ATG14: variants seen among roughly 807,000 people sequenced by gnomAD.
ATG14 encodes beclin 1-associated autophagy-related key regulator.
Under a neutral mutation model 60.4 loss-of-function variants are expected in ATG14, and 35 were observed. The observed-to-expected ratio is 0.58, with a 90% confidence interval of 0.44 to 0.77. The LOEUF (loss-of-function observed/expected upper bound fraction) is 0.77, where lower values mean the gene tolerates loss of function less well. ATG14 is among the 30% of genes least tolerant of loss of function. The pLI, the probability that ATG14 is intolerant of heterozygous loss-of-function variation, is 0.00. For synonymous variants in ATG14, 234 were observed against 228.8 expected, an observed-to-expected ratio of 1.02 and a Z score of -0.21; for missense variants, 647 against 626.3, an observed-to-expected ratio of 1.03 and a Z score of -0.35.
intron 3 of ATG14, among the ~76,000 whole-genome samples, chr14:55,393,741 T>C (rs920053721): frequency 7.9e-5 from 12 of 152,034 alleles, no homozygotes; most frequent in African/African-American, 2.4e-4. Context: ...TTTGTAGATA[T>C]GGGGTTTTGC....
At chr14:55,402,946 TATATATATATATATATATATATAA>T (rs1359595183) in intron 1 of ATG14, among the ~76,000 whole-genome samples, 13 of 56,672 alleles carry the variant, frequency 2.3e-4, no homozygotes, top group South Asian at 7.8e-4. Flanking sequence ...TATATATATA[TATATATATATATATATATATATAA>T]ATAGCTGGGC....
chr14:55,399,990 T>G (rs1885371968), intron 1 of ATG14, among the ~76,000 whole-genome samples: 1 of 152,182 alleles, frequency 6.6e-6, no homozygotes, highest in Non-Finnish European at 1.5e-5. Flanking sequence ...TCCTAGTGTA[T>G]CAAATATTGA....
At chr14:55,374,960 G>T (rs1235599866) in intron 9 of ATG14, among the ~76,000 whole-genome samples, 1 of 152,070 alleles carries the variant, frequency 6.6e-6, no homozygotes, top group Non-Finnish European at 1.5e-5. Context: ...AAACTTCCTT[G>T]CAGACTATAC....
chr14:55,369,703 G>A lies in ATG14; in HGVS notation c.1395C>T (p.Ile465=), dbSNP rs766410608. The change falls in exon 10 of 10, where the codon ATC becomes ATT. Residue 465 remains isoleucine, a synonymous_variant. Transcript: ENST00000247178. The part of the protein sequence containing the change: ...QSQSTQASPP[I]ASSSAGGMIS... ...TCATCCCACCTGCACTGCTGCTCGC[G>A]ATGGGTGGGGACGCCTGGGTGCTCT... 2.3e-5 allele frequency: 37 copies of A among 1,608,454 alleles called. No homozygotes were observed. In the South Asian group the frequency reaches 3.4e-4, roughly 15 times the overall value.
chr14:55,371,595 A>C (rs9323282), intron 9 of ATG14, among the ~76,000 whole-genome samples: 14,365 of 152,034 alleles, frequency 0.094, 1,833 homozygotes, highest in African/African-American at 0.29. Context: ...TCACGAGGTC[A>C]GGAGATCGAG....
intron 9 of ATG14, among the ~76,000 whole-genome samples, chr14:55,370,686 G>A (rs898654372): frequency 6.6e-6 from 1 of 151,752 alleles, no homozygotes; most frequent in Non-Finnish European, 1.5e-5. Context: ...CTGTTGCCCA[G>A]GCTGGAGTGC....
At chr14:55,380,779 A>T in intron 6 of ATG14, 89 bp from the exon 7 acceptor site, 1 of 818,902 alleles carries the variant, frequency 1.2e-6, no homozygotes, top group African/African-American at 1.7e-5. Context: ...TGATTTTATC[A>T]TGATAGCACT....
Position 55,386,091 on chromosome 14 carries a change from C to T in ATG14, c.415G>A (p.Glu139Lys), listed in dbSNP as rs988371583. 1 of 1,607,486 alleles carries T rather than the reference C, an allele frequency of 6.2e-7. No homozygotes were observed. The highest frequency in any genetic ancestry group is 8.5e-7 in the Non-Finnish European group (1 of 1,177,792). Residue 139 changes from glutamate (E) to lysine (K), a missense_variant, in exon 5 of 10, where the codon GAA becomes AAA. Coordinates refer to ENST00000247178, the MANE Select transcript of ATG14 (RefSeq NM_014924.5). ...TTTTCCTTGGTTTTGAGAAGGCCTT[C>T]AGAATCTAAAATAAATAAATCACAC... ...KGNEEMEKNS[E>K]GLLKTKEKNQ...
intron 1 of ATG14, among the ~76,000 whole-genome samples, chr14:55,399,623 TTC>T (rs1885366816): frequency 6.6e-6 from 1 of 152,240 alleles, no homozygotes; most frequent in Admixed American, 6.5e-5. Flanking sequence ...TGTTATATGC[TTC>T]TGTTTCCTTG....
intron 4 of ATG14, among the ~76,000 whole-genome samples, chr14:55,388,141 C>T (rs902196267): frequency 1.3e-5 from 2 of 152,068 alleles, no homozygotes; most frequent in Non-Finnish European, 2.9e-5. Flanking sequence ...CATCTCAAAA[C>T]CAACAACAAC....
chr14:55,396,030 C>G (rs777367124), intron 2 of ATG14, 48 bp from the exon 3 acceptor site: 1 of 1,430,552 alleles, frequency 7.0e-7, no homozygotes. Context: ...TAATAAAATT[C>G]TGTGAAGTTC....
At chr14:55,373,611 C>T (rs1240385466) in intron 9 of ATG14, among the ~76,000 whole-genome samples, 1 of 152,094 alleles carries the variant, frequency 6.6e-6, no homozygotes, top group Non-Finnish European at 1.5e-5. Context: ...AGGCACCCGC[C>T]ACCACGCCCA....
chr14:55,382,240 G>C (rs756375744), intron 5 of ATG14, 49 bp from the exon 6 acceptor site: 18 of 1,564,806 alleles, frequency 1.2e-5, no homozygotes, highest in Admixed American at 3.4e-5. Flanking sequence ...GGGTTTTTAA[G>C]GGCATGCAAT....
chr14:55,368,220 G>C lies in ATG14; in HGVS notation c.*1399C>G, dbSNP rs936162806. The C allele has an allele frequency of 6.6e-6, 1 of 152,432 alleles. No homozygotes were observed. Among genetic ancestry groups the C allele is most frequent in the African/African-American group, 2.4e-5 (1 of 41,294 alleles). The allele number at this position is 152,432 out of a possible 1,614,324, so 9.4% of individuals were successfully genotyped here. A position where few individuals can be genotyped will look rare whatever the true frequency, so the allele number is the denominator to read the frequency against. Reference sequence around the variant, plus strand: ...AGCTGAAAATGATCTCCTGCTGAGGGAAATTCTTTTTTTTTTTGAGACGGA... The same window carrying C: ...AGCTGAAAATGATCTCCTGCTGAGGCAAATTCTTTTTTTTTTTGAGACGGA... On this transcript the variant is annotated 3_prime_UTR_variant, in exon 10 of 10. Coordinates refer to ENST00000247178, the MANE Select transcript of ATG14 (RefSeq NM_014924.5).
intron 1 of ATG14, among the ~76,000 whole-genome samples, chr14:55,406,529 A>T (rs1186036386): frequency 6.6e-6 from 1 of 152,252 alleles, no homozygotes; most frequent in Non-Finnish European, 1.5e-5. Flanking sequence ...GCCTATTGAC[A>T]GTCGGTAAAA....
rs1555341540 is a variant in ATG14, at chr14:55,375,490, A to AATTTTT, written c.1172+2328_1172+2329insAAAAAT. On this transcript the variant is annotated intron_variant, in intron 9 of 9. Coordinates refer to ENST00000247178, the MANE Select transcript of ATG14 (RefSeq NM_014924.5). Reference sequence around the variant, plus strand: ...GGCATGCATTACCACGCCGGGCTAAATTTTTTTTTTTTTTTTTTTTTTTTT... The same window carrying AATTTTT: ...GGCATGCATTACCACGCCGGGCTAAAATTTTTTTTTTTTTTTTTTTTTTTTTTTTTT... Among the ~76,000 whole-genome samples the AATTTTT allele has an allele frequency of 3.6e-4, 42 of 117,798 alleles. 1 individual carries two copies. Among genetic ancestry groups the AATTTTT allele is most frequent in the African/African-American group, 3.4e-4 (10 of 29,304 alleles). The allele number at this position is 117,798 out of a possible 152,430, so 77.3% of individuals were successfully genotyped here. A position where few individuals can be genotyped will look rare whatever the true frequency, so the allele number is the denominator to read the frequency against.
chr14:55,390,926 C>T lies in ATG14; in HGVS notation c.394G>A (p.Glu132Lys). Residue 132 changes from glutamate to lysine, a missense_variant, in exon 4 of 10, where the codon GAA (glutamate) becomes AAA (lysine). Coordinates refer to ENST00000247178, the MANE Select transcript of ATG14 (RefSeq NM_014924.5). ...QLKQTICKGN[E>K]EMEKNSEGLL... ...AATTACTTACTTTTCTCCATTTCTT[C>T]ATTTCCTTTACATATTGTTTGTTTT... 6.3e-7 allele frequency: 1 copy of T among 1,598,722 alleles called. No homozygotes were observed. Among genetic ancestry groups the T allele is most frequent in the Non-Finnish European group, 8.5e-7 (1 of 1,169,828 alleles).
chr14:55,384,478 G>A (rs1885089882), intron 5 of ATG14, among the ~76,000 whole-genome samples: 1 of 152,158 alleles, frequency 6.6e-6, no homozygotes, highest in Non-Finnish European at 1.5e-5. Context: ...TTGGGGTTCA[G>A]GACTCAAGAT....
At position 55,378,085 on chromosome 14, in the gene ATG14, AAC is replaced by A. The variant is rs1214567602; in HGVS notation, c.996-13_996-12del. The A allele has an allele frequency of 6.2e-7, 1 of 1,606,990 alleles. No individual in the cohort carries two copies. The highest frequency in any genetic ancestry group is 2.2e-5 in the East Asian group (1 of 44,760). On this transcript the variant is annotated splice_polypyrimidine_tract_variant and intron_variant, in intron 7 of 9. Coordinates refer to ENST00000247178, the MANE Select transcript of ATG14 (RefSeq NM_014924.5). ...TCGCCACAAAATTCACTGTAAAACA[AAC>A]ATACAATTTATAAAGTTGCATTTTT...
Sources: gnomAD v4.1 joint callset for allele counts (sites outside exome capture counted in the v4.1 genomes callset) on GRCh38, gnomAD v4.1.1 for gene constraint, MANE v1.5 for transcripts, NCBI Gene and HGNC (gene_info 2026-07-23, HGNC 2026-07-21) for gene names.